Variants in WDR19 observed in about 807,000 individuals in gnomAD.
WDR19 encodes the protein WD repeat domain 19.
A neutral mutation model predicts 180.0 loss-of-function variants in WDR19; 121 were observed. That is an observed-to-expected ratio of 0.67 (90% confidence interval 0.58 to 0.78). WDR19 has a LOEUF of 0.78. Ranked by LOEUF, WDR19 falls within the 30% of genes least tolerant of loss-of-function variation. The pLI is 0.00. For missense variants in WDR19, 1,450 were observed against 1,640.7 expected (o/e 0.88, Z 2.01); for synonymous variants, 497 against 540.7 (o/e 0.92, Z 1.12).
chr4:39,198,516 G>A (rs779922223), intron 5 of WDR19, among the ~76,000 whole-genome samples: 11 of 151,064 alleles, frequency 7.3e-5, no homozygotes, highest in Admixed American at 4.6e-4. Context: ...AGCCAAGATC[G>A]CGCCGCTGCA....
In WDR19 at chr4:39,182,530, T is replaced by C. The variant is rs1725036458; in HGVS notation, c.-28T>C. On this transcript the variant is annotated 5_prime_UTR_variant, in exon 1 of 37. Coordinates refer to ENST00000399820, the MANE Select transcript of WDR19 (RefSeq NM_025132.4). The stretch of plus-strand genomic sequence containing the variant: ...AGACCGGGTGCGCCTGCGTACTTCA[T>C]AGTTCGCGTAGCGGCTCGAGCGTGG... 2 of 1,613,630 alleles carry C rather than the reference T, an allele frequency of 1.2e-6. No homozygotes were observed. Among genetic ancestry groups the C allele is most frequent in the African/African-American group, 2.7e-5 (2 of 74,918 alleles).
intron 16 of WDR19, 49 bp from the exon 17 acceptor site, chr4:39,228,437 T>G: frequency 6.2e-7 from 1 of 1,604,524 alleles, no homozygotes; most frequent in East Asian, 2.2e-5. Flanking sequence ...TTCTGATGTT[T>G]GTGCTGAGTA....
At chr4:39,272,062 T>G (rs191790931) in intron 31 of WDR19, among the ~76,000 whole-genome samples, 1 of 152,290 alleles carries the variant, frequency 6.6e-6, no homozygotes, top group Non-Finnish European at 1.5e-5. Context: ...AGGAGTACAC[T>G]TCCCTTCAGA....
At chr4:39,281,099 A>C (rs911553550) in intron 36 of WDR19, among the ~76,000 whole-genome samples, 5 of 151,694 alleles carry the variant, frequency 3.3e-5, no homozygotes, top group Non-Finnish European at 7.4e-5. Flanking sequence ...GTGGCTTCCC[A>C]TTTCTTTTTC....
rs1725579623 is a variant in WDR19, at chr4:39,186,571, A to G, written c.131A>G (p.His44Arg). Residue 44 changes from histidine (H) to arginine (R), a missense_variant, in exon 3 of 37, where the codon CAT (histidine) becomes CGT (arginine). Coordinates refer to ENST00000399820, the MANE Select transcript of WDR19 (RefSeq NM_025132.4). The part of the protein sequence containing the change: ...ADYIVKIFDR[H>R]GQKRSEINLP... ...TATATTGTGAAAATCTTTGATCGCC[A>G]TGGTCAAAAAAGAAGTGAAATTAAC... The G allele has an allele frequency of 1.3e-6, 2 of 1,586,146 alleles. No individual in the cohort carries two copies. The highest frequency in any genetic ancestry group is 1.7e-6 in the Non-Finnish European group (2 of 1,169,110).
At position 39,278,160 on chromosome 4, in the gene WDR19, G is replaced by A. The variant is rs772891059; in HGVS notation, c.3870G>A (p.Thr1290=). ...TGRHMLKDDW[T]VCPHCDFPAL... ...GACACATGTTGAAAGATGACTGGAC[G>A]GTGTGTCCACATTGTGACTTCCCTG... The change falls in exon 35 of 37, where the codon ACG becomes ACA. Residue 1290 remains threonine (T), a synonymous_variant. Transcript: ENST00000399820. 6.2e-6 allele frequency: 10 copies of A among 1,606,902 alleles called. No homozygotes were observed. The highest frequency in any genetic ancestry group is 1.1e-5 in the South Asian group (1 of 89,080).
chr4:39,245,406 C>T lies in WDR19; in HGVS notation c.2683C>T (p.Pro895Ser). The T allele has an allele frequency of 1.2e-6, 2 of 1,613,756 alleles. No individual in the cohort carries two copies. Among genetic ancestry groups the T allele is most frequent in the South Asian group, 1.1e-5 (1 of 90,988 alleles). ...TGATCTTCTGCCCCACGTTTCTTCT[C>T]CTAAGATCCATTTGCAGTATGCCAA... ...VGDLLPHVSS[P>S]KIHLQYAKAK... Residue 895 changes from proline (P) to serine (S), a missense_variant, in exon 24 of 37, where the codon CCT becomes TCT. Pro to Ser is a moderately conservative substitution (Grantham distance 74). Coordinates refer to ENST00000399820, the MANE Select transcript of WDR19 (RefSeq NM_025132.4).
intron 9 of WDR19, among the ~76,000 whole-genome samples, chr4:39,211,182 C>A (rs956174561): frequency 6.7e-6 from 1 of 149,812 alleles, no homozygotes; most frequent in East Asian, 2.0e-4. Context: ...AAGAGTGAAA[C>A]CCTGTCTCAA....
intron 14 of WDR19, among the ~76,000 whole-genome samples, chr4:39,224,110 A>G (rs569971427): frequency 6.6e-6 from 1 of 152,136 alleles, no homozygotes; most frequent in Non-Finnish European, 1.5e-5. Flanking sequence ...TGTAAATGGT[A>G]TTGCATTTTT....
intron 24 of WDR19, among the ~76,000 whole-genome samples, chr4:39,246,786 G>A (rs35720656): frequency 0.34 from 51,439 of 152,022 alleles, 8,863 homozygotes; most frequent in African/African-American, 0.39. Flanking sequence ...CAAACTGCAA[G>A]GCAGCAGAAA....
At chr4:39,273,235 T>C in intron 32 of WDR19, 174 bp downstream of exon 32, 1 of 558,316 alleles carries the variant, frequency 1.8e-6, no homozygotes. Flanking sequence ...GACTCTTCAC[T>C]GGGAGGATTT....
intron 24 of WDR19, among the ~76,000 whole-genome samples, chr4:39,252,518 TAATA>T (rs1230028174): frequency 7.6e-6 from 1 of 132,096 alleles, no homozygotes; most frequent in Non-Finnish European, 1.7e-5. Context: ...TAATAAAAAA[TAATA>T]AAAAAAAATT....
chr4:39,231,876 C>A lies in WDR19; in HGVS notation c.2062C>A (p.His688Asn). 1 of 1,613,342 alleles carries A rather than the reference C, an allele frequency of 6.2e-7. No homozygotes were observed. The highest frequency in any genetic ancestry group is 8.5e-7 in the Non-Finnish European group (1 of 1,179,392). ...TGAGTTGGCCAGAGCTTGTCTACATCACATGGAAGTGGAGTTTGCAATCCG... is the reference window on the plus strand; with the variant it reads ...TGAGTTGGCCAGAGCTTGTCTACATAACATGGAAGTGGAGTTTGCAATCCG... ...WNELARACLHHMEVEFAIRVY... is the reference protein window; with the variant it reads ...WNELARACLHNMEVEFAIRVY... Residue 688 changes from histidine (H) to asparagine (N), a missense_variant, in exon 18 of 37, where the codon CAC (histidine) becomes AAC (asparagine). By Grantham distance (68) the His-to-Asn change is moderately conservative. Coordinates refer to ENST00000399820, the MANE Select transcript of WDR19 (RefSeq NM_025132.4).
intron 21 of WDR19, among the ~76,000 whole-genome samples, chr4:39,243,204 T>C (rs997270291): frequency 1.3e-5 from 2 of 152,240 alleles, no homozygotes; most frequent in African/African-American, 4.8e-5. Context: ...TATTTTCTTA[T>C]AAGTCACAAA....
At chr4:39,262,040 G>C (rs1258921532) in intron 28 of WDR19, among the ~76,000 whole-genome samples, 1 of 152,004 alleles carries the variant, frequency 6.6e-6, no homozygotes, top group Non-Finnish European at 1.5e-5. Context: ...ATCCTTCATG[G>C]ATCATAAAAT....
intron 24 of WDR19, among the ~76,000 whole-genome samples, chr4:39,251,959 A>G (rs1205288743): frequency 6.6e-6 from 1 of 152,188 alleles, no homozygotes; most frequent in Admixed American, 6.5e-5. Context: ...GTGATTCCTC[A>G]GGGATCTAGA....
rs371117988 is a variant in WDR19, at chr4:39,218,056, G to A, written c.1430G>A (p.Arg477His). The A allele has an allele frequency of 2.0e-5, 32 of 1,613,800 alleles. 1 individual carries two copies. The highest frequency in any genetic ancestry group is 1.2e-4 in the South Asian group (11 of 91,078). Residue 477 changes from arginine (R) to histidine (H), a missense_variant, in exon 14 of 37, where the codon CGT becomes CAT. Arg to His is a conservative substitution (Grantham distance 29, BLOSUM62 0). Coordinates refer to ENST00000399820, the MANE Select transcript of WDR19 (RefSeq NM_025132.4). ...RLFPAVDDKC[R>H]ILCHALTSDF... ...TTCCCAGCAGTGGATGATAAGTGCCGTATCTTATGCCATGCCTTAACTAGT... is the reference window on the plus strand; with the variant it reads ...TTCCCAGCAGTGGATGATAAGTGCCATATCTTATGCCATGCCTTAACTAGT...
intron 20 of WDR19, among the ~76,000 whole-genome samples, chr4:39,239,012 T>C (rs1409602691): frequency 1.3e-5 from 2 of 152,190 alleles, no homozygotes; most frequent in Admixed American, 1.3e-4. Flanking sequence ...AGTCTCACTC[T>C]GTCACCCAGG....
Position 39,274,881 on chromosome 4 carries a change from C to T in WDR19, c.3639C>T (p.Phe1213=), listed in dbSNP as rs781754521. Reference sequence around the variant, plus strand: ...GCCTGAAGAACTCTGCTTTCAGCTTCGCAGCTATGTTGATGAGGCCTGAAT... The same window carrying T: ...GCCTGAAGAACTCTGCTTTCAGCTTTGCAGCTATGTTGATGAGGCCTGAAT... ...RAGLKNSAFS[F]AAMLMRPEYR... The change falls in exon 33 of 37, where the codon TTC becomes TTT. Residue 1213 remains phenylalanine, a synonymous_variant. Transcript: ENST00000399820. 1.7e-5 allele frequency: 27 copies of T among 1,613,868 alleles called. No homozygotes were observed. The highest frequency in any genetic ancestry group is 2.7e-5 in the African/African-American group (2 of 74,916).
Sources: gnomAD v4.1 joint callset for allele counts (sites outside exome capture counted in the v4.1 genomes callset) on GRCh38, gnomAD v4.1.1 for gene constraint, MANE v1.5 for transcripts, NCBI Gene and HGNC (gene_info 2026-07-23, HGNC 2026-07-21) for gene names.